The following IL19 variants were observed in gnomAD, a reference collection of about 807,000 sequenced individuals.
IL19 encodes the protein interleukin-19.
A neutral mutation model predicts 19.5 loss-of-function variants in IL19; 15 were observed. The ratio of observed to expected loss-of-function variants is 0.77; its 90% CI spans 0.52 to 1.19. The LOEUF is 1.19. IL19 is among the 50% of genes most tolerant of loss of function. The pLI is 0.00. For synonymous variants in IL19, 78 were observed against 78.3 expected (o/e 1.00, Z 0.02); for missense variants, 199 against 213.1 (o/e 0.93, Z 0.41).
rs150520547 is a variant in IL19, at chr1:206,775,185, C to T, written c.-149+4107C>T. ...CGTCCCGAGTAGCTGGGACTACAGG[C>T]GCCTGGCACCACGCCCGGCTAAGTT... On this transcript the variant is annotated intron_variant, in intron 1 of 6. Coordinates refer to ENST00000659997, the MANE Select transcript of IL19 (RefSeq NM_153758.5). 4.1e-3 allele frequency among the ~76,000 whole-genome samples: 621 copies of T among 152,004 alleles called. 18 individuals carry two copies. Among genetic ancestry groups the T allele is most frequent in the Admixed American group, 0.033 (508 of 15,262 alleles).
intron 2 of IL19, among the ~76,000 whole-genome samples, chr1:206,822,663 C>T (rs192983168): frequency 3.0e-4 from 46 of 152,312 alleles, no homozygotes; most frequent in African/African-American, 1.1e-3. Context: ...TAGCACAGAG[C>T]CCAGGTCTTG....
chr1:206,797,228 G>A (rs974914926), intron 1 of IL19, among the ~76,000 whole-genome samples: 3 of 152,164 alleles, frequency 2.0e-5, no homozygotes, highest in Admixed American at 1.3e-4. Flanking sequence ...TTTCACCAGG[G>A]CCCCATGGGA....
At chr1:206,816,449 T>C (rs909365049) in intron 2 of IL19, among the ~76,000 whole-genome samples, 6 of 152,170 alleles carry the variant, frequency 3.9e-5, no homozygotes, top group East Asian at 1.9e-4. Flanking sequence ...ATAGTATGAT[T>C]TGAAGGCAGA....
intron 2 of IL19, among the ~76,000 whole-genome samples, chr1:206,811,422 T>C (rs1676006485): frequency 1.6e-5 from 2 of 128,870 alleles, no homozygotes; most frequent in African/African-American, 3.0e-5. Flanking sequence ...CCAGCCTGGG[T>C]GACAGAGCAA....
chr1:206,805,586 T>A lies in IL19; in HGVS notation c.-3+6580T>A, dbSNP rs575455827. ...GAAGCCATAGCTTACAAATGGACAC[T>A]GCAGAAAACTGAATTAATGAGTAAA... is the stretch of plus-strand genomic sequence containing the variant. On this transcript the variant is annotated intron_variant, in intron 2 of 6. Transcript: ENST00000659997. Among the ~76,000 whole-genome samples, 7 of 152,316 alleles carry A rather than the reference T, an allele frequency of 4.6e-5. No individual in the cohort carries two copies. In the East Asian group the frequency reaches 9.6e-4, roughly 21 times the overall value.
chr1:206,826,398 A>T lies in IL19; in HGVS notation c.-2-10263A>T, dbSNP rs147788129. Among the ~76,000 whole-genome samples, 435 of 152,288 alleles carry T rather than the reference A, an allele frequency of 2.9e-3. 4 individuals carry two copies. Among genetic ancestry groups the T allele is most frequent in the African/African-American group, 0.01 (417 of 41,562 alleles). The stretch of plus-strand genomic sequence containing the variant: ...ACCGCTGGCTTTCTGAAAGGACAGG[A>T]TTTGAGGAGCTGGGATGGTAGTAGG... On this transcript the variant is annotated intron_variant, in intron 2 of 6. Transcript: ENST00000659997.
At chr1:206,830,869 T>G (rs530141346) in intron 2 of IL19, among the ~76,000 whole-genome samples, 3 of 152,304 alleles carry the variant, frequency 2.0e-5, no homozygotes, top group South Asian at 4.1e-4. Flanking sequence ...GAGCCACCGC[T>G]CCTGGCCTAC....
At chr1:206,829,611 A>AGGCC (rs1676534711) in intron 2 of IL19, among the ~76,000 whole-genome samples, 1 of 152,096 alleles carries the variant, frequency 6.6e-6, no homozygotes, top group South Asian at 2.1e-4. Context: ...TGCTACTGGG[A>AGGCC]GGCCCCAGGG....
At chr1:206,773,741 A>G (rs1175168212) in intron 1 of IL19, among the ~76,000 whole-genome samples, 2 of 151,932 alleles carry the variant, frequency 1.3e-5, no homozygotes, top group Admixed American at 6.6e-5. Context: ...GTCTCTGGGG[A>G]TCCTTTGATT....
intron 2 of IL19, among the ~76,000 whole-genome samples, chr1:206,815,903 G>A (rs1304087306): frequency 2.0e-5 from 3 of 152,120 alleles, no homozygotes; most frequent in South Asian, 2.1e-4. Context: ...GCAGGCCCTC[G>A]AATAACATTG....
At chr1:206,836,013 C>T (rs1027005608) in intron 2 of IL19, among the ~76,000 whole-genome samples, 2 of 152,194 alleles carry the variant, frequency 1.3e-5, no homozygotes, top group Admixed American at 6.5e-5. Flanking sequence ...AGCAGGTGAC[C>T]GACGGGAAGT....
chr1:206,774,645 C>G (rs748468317), intron 1 of IL19, among the ~76,000 whole-genome samples: 1 of 152,194 alleles, frequency 6.6e-6, no homozygotes, highest in Non-Finnish European at 1.5e-5. Context: ...TGCAACCCTA[C>G]GTGGTTATCA....
chr1:206,775,198 G>A (rs541860801), intron 1 of IL19, among the ~76,000 whole-genome samples: 8 of 151,904 alleles, frequency 5.3e-5, no homozygotes, highest in Admixed American at 4.6e-4. Flanking sequence ...CTGGCACCAC[G>A]CCCGGCTAAG....
intron 1 of IL19, among the ~76,000 whole-genome samples, chr1:206,773,067 G>A (rs1674900111): frequency 1.3e-5 from 2 of 152,148 alleles, no homozygotes; most frequent in Non-Finnish European, 1.5e-5. Flanking sequence ...TACAGTACAG[G>A]CGGGGTCACA....
At chr1:206,830,634 A>T (rs1019491315) in intron 2 of IL19, among the ~76,000 whole-genome samples, 2 of 152,034 alleles carry the variant, frequency 1.3e-5, no homozygotes, top group Non-Finnish European at 2.9e-5. Context: ...GCTGGAGTGC[A>T]GTGGTGCGGT....
rs533618202 is a variant in IL19 at position 206,840,950 on chromosome 1, A to G, written c.364-54A>G. 71 of 1,430,754 alleles carry G rather than the reference A, an allele frequency of 5.0e-5. 1 individual carries two copies. Among genetic ancestry groups the G allele is most frequent in the South Asian group, 2.9e-4 (25 of 87,226 alleles). 88.6% of individuals were successfully genotyped at this position (1,430,754 alleles called of 1,614,324 possible). A position where few individuals can be genotyped will look rare whatever the true frequency, so the allele number is the denominator to read the frequency against. ...TCTCATGTGGGGAGGCAGGAGTAAGAGAGGGCCAGAGTGGAAATGTCCTCT... is the reference window on the plus strand; with the variant it reads ...TCTCATGTGGGGAGGCAGGAGTAAGGGAGGGCCAGAGTGGAAATGTCCTCT... On this transcript the variant is annotated intron_variant, in intron 5 of 6. Transcript: ENST00000659997.
At chr1:206,793,101 G>A (rs879397714) in intron 1 of IL19, among the ~76,000 whole-genome samples, 6 of 152,162 alleles carry the variant, frequency 3.9e-5, no homozygotes, top group Admixed American at 2.0e-4. Context: ...GCATGAATGC[G>A]CTTGTGGGAC....
In IL19 at chr1:206,778,516, C is replaced by A. The variant is rs570124357; in HGVS notation, c.-149+7438C>A. The stretch of plus-strand genomic sequence containing the variant: ...GTCTCCACTGGATGGCTGGCACCTC[C>A]AACCCAACATATCCAAGCAGGGCTG... On this transcript the variant is annotated intron_variant, in intron 1 of 6. Coordinates refer to ENST00000659997, the MANE Select transcript of IL19 (RefSeq NM_153758.5). 1.7e-4 allele frequency among the ~76,000 whole-genome samples: 26 copies of A among 152,258 alleles called. No individual in the cohort carries two copies. In the East Asian group the frequency reaches 4.8e-3, roughly 28 times the overall value.
chr1:206,815,875 T>G (rs1487871940), intron 2 of IL19, among the ~76,000 whole-genome samples: 1 of 152,202 alleles, frequency 6.6e-6, no homozygotes, highest in Non-Finnish European at 1.5e-5. Flanking sequence ...ATGGCAACTT[T>G]TAGCAAAATG....
Sources: gnomAD v4.1 joint callset for allele counts (sites outside exome capture counted in the v4.1 genomes callset) on GRCh38, gnomAD v4.1.1 for gene constraint, MANE v1.5 for transcripts, NCBI Gene and HGNC (gene_info 2026-07-23, HGNC 2026-07-21) for gene names.